DST: variants seen among roughly 807,000 people sequenced by gnomAD.
DST encodes dystonin.
DST carries 253 observed loss-of-function variants against 875.2 expected under a neutral mutation model. The ratio of observed to expected loss-of-function variants is 0.29; its 90% CI spans 0.26 to 0.32. The LOEUF (loss-of-function observed/expected upper bound fraction) is 0.32, where lower values mean the gene tolerates loss of function less well. DST is among the 10% of genes least tolerant of loss of function. The pLI, the probability that DST is intolerant of heterozygous loss-of-function variation, is 1.00. For missense variants in DST, 8,287 were observed against 9,111.6 expected (o/e 0.91, Z 3.68); for synonymous variants, 3,124 against 3,197.1 (o/e 0.98, Z 0.77).
chr6:56,633,193 TG>T (rs201053577), intron 27 of DST, among the ~76,000 whole-genome samples, 156 bp from the exon 28 acceptor site: 1 of 142,938 alleles, frequency 7.0e-6, no homozygotes, highest in African/African-American at 3.0e-5. Context: ...CAATTTTAGG[TG>T]GTTTTTTTTT....
intron 4 of DST, among the ~76,000 whole-genome samples, chr6:56,848,871 CTAAAAA>C (rs1199124008): frequency 6.6e-6 from 1 of 151,498 alleles, no homozygotes; most frequent in Non-Finnish European, 1.5e-5. Flanking sequence ...CCCATCTCTA[CTAAAAA>C]TACAAAAAAA....
intron 85 of DST, among the ~76,000 whole-genome samples, chr6:56,490,471 T>C (rs1030568163): frequency 2.0e-5 from 3 of 152,062 alleles, no homozygotes; most frequent in Non-Finnish European, 4.4e-5. Flanking sequence ...CCAAAGCACA[T>C]GAATAATGAA....
chr6:56,486,861 C>T (rs1159555038), intron 87 of DST, among the ~76,000 whole-genome samples: 1 of 152,082 alleles, frequency 6.6e-6, no homozygotes, highest in African/African-American at 2.4e-5. Flanking sequence ...TGGGTGTAGT[C>T]AAGTCTGAGA....
chr6:56,551,956 C>T (rs2097332767), intron 61 of DST, among the ~76,000 whole-genome samples: 1 of 152,130 alleles, frequency 6.6e-6, no homozygotes, highest in Admixed American at 6.5e-5. Flanking sequence ...GCCAAGCACC[C>T]TTTGGTCTGA....
At chr6:56,746,832 A>C (rs2099573920) in intron 4 of DST, among the ~76,000 whole-genome samples, 1 of 152,222 alleles carries the variant, frequency 6.6e-6, no homozygotes, top group South Asian at 2.1e-4. Context: ...TGGAAGATAT[A>C]GAAAAAAATA....
rs1231461757 is a variant in DST, at chr6:56,605,883, C to T, written c.8745G>A (p.Met2915Ile). Residue 2915 changes from methionine (M) to isoleucine (I), a missense_variant, in exon 40 of 104, where the codon ATG becomes ATA. Met to Ile is a conservative substitution (Grantham distance 10). Transcript: ENST00000680361. ...TAGGCGGCAATACATCCTTAAGTAC[C>T]ATCTCATGGTTCAACAGATTTTCTT... is the stretch of plus-strand genomic sequence containing the variant. ...KSKENLLNHE[M>I]VLKDVLPPII... 2 of 1,612,408 alleles carry T rather than the reference C, an allele frequency of 1.2e-6. No individual in the cohort carries two copies. Among genetic ancestry groups the T allele is most frequent in the Admixed American group, 1.7e-5 (1 of 59,786 alleles).
intron 4 of DST, among the ~76,000 whole-genome samples, chr6:56,770,999 C>CAA (rs199539222): frequency 3.9e-5 from 3 of 77,380 alleles, no homozygotes; most frequent in Non-Finnish European, 2.6e-5. Flanking sequence ...AACTCCATCT[C>CAA]AAAAAAAAAA....
chr6:56,801,092 G>T (rs2099746231), intron 4 of DST, among the ~76,000 whole-genome samples: 1 of 148,944 alleles, frequency 6.7e-6, no homozygotes, highest in Admixed American at 6.7e-5. Context: ...CTGTTCGGTT[G>T]TCTTCAAACT....
chr6:56,604,897 C>T lies in DST; in HGVS notation c.9731G>A (p.Ser3244Asn), dbSNP rs545535482. The stretch of plus-strand genomic sequence containing the variant: ...GCTTTCTTTACTACAAAGATCATTG[C>T]TTTGGATCATGTCATTAAGAGGTGA... ...KDSPLNDMIQ[S>N]NDLCSKESIS... Residue 3244 changes from serine (S) to asparagine (N), a missense_variant, in exon 40 of 104, where the codon AGC (serine) becomes AAC (asparagine). Ser to Asn is a conservative substitution (Grantham distance 46). Transcript: ENST00000680361. 1.9e-6 allele frequency: 3 copies of T among 1,612,564 alleles called. No individual in the cohort carries two copies. Among genetic ancestry groups the T allele is most frequent in the African/African-American group, 2.7e-5 (2 of 74,892 alleles).
In DST at chr6:56,561,438, T is replaced by G; in HGVS notation, c.14180A>C (p.Gln4727Pro). Residue 4727 changes from glutamine to proline, a missense_variant, in exon 57 of 104, where the codon CAA becomes CCA. Gln to Pro is a moderately conservative substitution (Grantham distance 76, BLOSUM62 -1). Coordinates refer to ENST00000680361, the MANE Select transcript of DST (RefSeq NM_001374736.1). Reference sequence around the variant, plus strand: ...TGCACTTGATTCTTCCTGAGCCTTTTGCAATTTGGAGAGTTTAGTGTTCAG... The same window carrying G: ...TGCACTTGATTCTTCCTGAGCCTTTGGCAATTTGGAGAGTTTAGTGTTCAG... ...AELNTKLSKL[Q>P]KAQEESSAMM... is the part of the protein sequence containing the mutation. The G allele has an allele frequency of 6.2e-7, 1 of 1,613,930 alleles. No individual in the cohort carries two copies. Among genetic ancestry groups the G allele is most frequent in the South Asian group, 1.1e-5 (1 of 91,070 alleles).
chr6:56,787,757 C>A (rs1213725650), intron 4 of DST, among the ~76,000 whole-genome samples: 1 of 152,100 alleles, frequency 6.6e-6, no homozygotes. Context: ...TTAATAACTT[C>A]TTCTATGAAA....
chr6:56,517,981 C>T (rs534047742), intron 69 of DST, among the ~76,000 whole-genome samples: 1 of 152,144 alleles, frequency 6.6e-6, no homozygotes, highest in East Asian at 1.9e-4. Context: ...AATCATTTCA[C>T]CCATCACTTC....
At chr6:56,850,987 A>G (rs1764906527) in intron 4 of DST, 1 of 180,778 alleles carries the variant, frequency 5.5e-6, no homozygotes, top group African/African-American at 2.3e-5. Flanking sequence ...GATCTTCTCA[A>G]TCTGCGTAGC....
intron 69 of DST, among the ~76,000 whole-genome samples, chr6:56,523,426 T>C (rs2096741994): frequency 6.6e-6 from 1 of 152,170 alleles, no homozygotes; most frequent in Non-Finnish European, 1.5e-5. Flanking sequence ...TTACAAAGTA[T>C]GTGCTAATGA....
intron 2 of DST, among the ~76,000 whole-genome samples, chr6:56,938,102 CTCTCTCTATATATA>C (rs1377266392): frequency 3.1e-5 from 1 of 32,224 alleles, no homozygotes; most frequent in Non-Finnish European, 8.1e-5. Flanking sequence ...CTCTCTCTCT[CTCTCTCTATATATA>C]TATATATATA....
At chr6:56,721,243 C>CT (rs1167774053) in intron 5 of DST, among the ~76,000 whole-genome samples, 1 of 152,130 alleles carries the variant, frequency 6.6e-6, no homozygotes, top group Non-Finnish European at 1.5e-5. Context: ...CTATCCTGTT[C>CT]TTTTTTCAAC....
At chr6:56,614,855 GATAGA>G (rs2098596998) in intron 36 of DST, 1 of 993,854 alleles carries the variant, frequency 1.0e-6, no homozygotes, top group Non-Finnish European at 1.2e-6. Flanking sequence ...ATAGAAGGCT[GATAGA>G]ATAGAGAACG....
rs139748438 is a variant in DST, at chr6:56,490,853, T to C, written c.20758-1244A>G. Among the ~76,000 whole-genome samples the C allele has an allele frequency of 3.4e-3, 518 of 152,242 alleles. 1 individual carries two copies. Among genetic ancestry groups the C allele is most frequent in the African/African-American group, 0.01 (422 of 41,562 alleles). On this transcript the variant is annotated intron_variant, in intron 85 of 103. Coordinates refer to ENST00000680361, the MANE Select transcript of DST (RefSeq NM_001374736.1). Reference sequence around the variant, plus strand: ...CAAAACTATTTTTAAGCCATATAAATAGAGGAAATGCTATACATTTGCACT... The same window carrying C: ...CAAAACTATTTTTAAGCCATATAAACAGAGGAAATGCTATACATTTGCACT...
chr6:56,702,380 T>TACAC lies in DST; in HGVS notation c.877-419_877-416dup, dbSNP rs141415908. Among the ~76,000 whole-genome samples, 399 of 149,512 alleles carry TACAC rather than the reference T, an allele frequency of 2.7e-3. 2 individuals are homozygous for TACAC. Among genetic ancestry groups the TACAC allele is most frequent in the African/African-American group, 9.3e-3 (376 of 40,622 alleles). ...GCAAGAGGGTTTTTATAACTGTATA[T>TACAC]ACACACACACACACACACACACATA... is the stretch of plus-strand genomic sequence containing the variant. On this transcript the variant is annotated intron_variant, in intron 7 of 103. Coordinates refer to ENST00000680361, the MANE Select transcript of DST (RefSeq NM_001374736.1).
Sources: gnomAD v4.1 joint callset for allele counts (sites outside exome capture counted in the v4.1 genomes callset) on GRCh38, gnomAD v4.1.1 for gene constraint, MANE v1.5 for transcripts, NCBI Gene and HGNC (gene_info 2026-07-23, HGNC 2026-07-21) for gene names.